The following GRID1 variants were observed in gnomAD, a reference collection of about 807,000 sequenced individuals.
GRID1 encodes glutamate receptor ionotropic, delta-1.
A neutral mutation model predicts 98.0 loss-of-function variants in GRID1; 28 were observed. That is an observed-to-expected ratio of 0.29 (90% CI 0.21 to 0.39). The LOEUF (loss-of-function observed/expected upper bound fraction) is 0.39, where lower values mean the gene tolerates loss of function less well. Among genes scored for constraint, GRID1 ranks in the 10% least tolerant of loss-of-function variants. The pLI, the probability that GRID1 is intolerant of heterozygous loss-of-function variation, is 1.00. For synonymous variants in GRID1, 553 were observed against 538.5 expected (o/e 1.03, Z -0.37); for missense variants, 1,111 against 1,340.5 (o/e 0.83, Z 2.67).
At chr10:85,873,842 C>T (rs1024047656) in intron 5 of GRID1, among the ~76,000 whole-genome samples, 5 of 152,186 alleles carry the variant, frequency 3.3e-5, no homozygotes, top group African/African-American at 1.2e-4. Flanking sequence ...CAACAAGCAA[C>T]GTCTCTGGGT....
At position 85,775,229 on chromosome 10, in the gene GRID1, A is replaced by G. The variant is rs1484909871; in HGVS notation, c.1234-45615T>C. Among the ~76,000 whole-genome samples the G allele has an allele frequency of 5.3e-5, 8 of 152,036 alleles. 1 individual carries two copies. The East Asian group carries it at 1.2e-3, about 22-fold the overall frequency. ...TTCTCAGTAAACTATCACAAGAACA[A>G]AAAACCAAACACCACATATTCTCAC... On this transcript the variant is annotated intron_variant, in intron 8 of 15. Coordinates refer to ENST00000327946, the MANE Select transcript of GRID1 (RefSeq NM_017551.3).
intron 4 of GRID1, among the ~76,000 whole-genome samples, chr10:86,069,833 G>C (rs1179142167): frequency 1.3e-5 from 2 of 152,170 alleles, no homozygotes; most frequent in Non-Finnish European, 2.9e-5. Context: ...TGCCTCAGCT[G>C]GGGTGTGATG....
chr10:85,608,741 G>A (rs911431040), intron 15 of GRID1, among the ~76,000 whole-genome samples: 1 of 152,160 alleles, frequency 6.6e-6, no homozygotes, highest in Admixed American at 6.5e-5. Flanking sequence ...CAGCAAGGGG[G>A]GCTGCTAGTG....
At chr10:85,791,456 A>G (rs1842478833) in intron 8 of GRID1, among the ~76,000 whole-genome samples, 1 of 152,202 alleles carries the variant, frequency 6.6e-6, no homozygotes, top group South Asian at 2.1e-4. Flanking sequence ...GAACTCACCA[A>G]TTCTCACAGA....
chr10:86,231,064 C>A (rs1846444395), intron 2 of GRID1, among the ~76,000 whole-genome samples: 2 of 152,216 alleles, frequency 1.3e-5, no homozygotes, highest in Non-Finnish European at 2.9e-5. Flanking sequence ...CTGGCTCCAG[C>A]AAACCCAAAC....
intron 2 of GRID1, among the ~76,000 whole-genome samples, chr10:86,338,644 G>A (rs1167876879): frequency 2.0e-5 from 3 of 152,094 alleles, no homozygotes; most frequent in East Asian, 1.9e-4. Context: ...TGCAACCTCC[G>A]CCTCCCGGGT....
At chr10:86,049,118 T>A (rs1004126981) in intron 4 of GRID1, among the ~76,000 whole-genome samples, 1 of 152,174 alleles carries the variant, frequency 6.6e-6, no homozygotes, top group African/African-American at 2.4e-5. Context: ...CTGAAGTCAT[T>A]AGCCAGTAAA....
chr10:85,750,808 A>G (rs1183013501), intron 8 of GRID1, among the ~76,000 whole-genome samples: 2 of 152,218 alleles, frequency 1.3e-5, no homozygotes, highest in African/African-American at 2.4e-5. Flanking sequence ...TCATCAGAGA[A>G]CTAAACATAA....
At chr10:85,838,505 T>C (rs949811630) in intron 8 of GRID1, among the ~76,000 whole-genome samples, 2 of 152,146 alleles carry the variant, frequency 1.3e-5, no homozygotes, top group African/African-American at 4.8e-5. Flanking sequence ...AGCACTGATA[T>C]TCAACATTCT....
chr10:85,999,211 CAAAAAA>C (rs60210628), intron 4 of GRID1, among the ~76,000 whole-genome samples: 2 of 130,062 alleles, frequency 1.5e-5, no homozygotes, highest in Non-Finnish European at 3.2e-5. Flanking sequence ...GACTCTATTT[CAAAAAA>C]AAAAAAAAAA....
At chr10:86,096,401 A>G (rs975652188) in intron 4 of GRID1, among the ~76,000 whole-genome samples, 1 of 152,200 alleles carries the variant, frequency 6.6e-6, no homozygotes, top group Non-Finnish European at 1.5e-5. Context: ...CCAGCCCCAC[A>G]AATGTTTCCA....
chr10:85,819,474 T>A (rs1453061696), intron 8 of GRID1, among the ~76,000 whole-genome samples: 1 of 152,200 alleles, frequency 6.6e-6, no homozygotes, highest in Non-Finnish European at 1.5e-5. Context: ...TAACTTTACA[T>A]TGGGGAAACC....
At chr10:86,321,659 A>C (rs79021111) in intron 2 of GRID1, among the ~76,000 whole-genome samples, 1 of 152,174 alleles carries the variant, frequency 6.6e-6, no homozygotes, top group Non-Finnish European at 1.5e-5. Context: ...AGAAGCCCCA[A>C]ATCAAATGTG....
At chr10:85,996,470 A>G (rs1282073569) in intron 4 of GRID1, among the ~76,000 whole-genome samples, 4 of 152,240 alleles carry the variant, frequency 2.6e-5, no homozygotes, top group Non-Finnish European at 5.9e-5. Flanking sequence ...GATGGGCTCA[A>G]TGAAGAACGA....
intron 2 of GRID1, among the ~76,000 whole-genome samples, chr10:86,239,137 G>A (rs974795032): frequency 2.6e-5 from 4 of 152,240 alleles, no homozygotes; most frequent in Non-Finnish European, 5.9e-5. Context: ...AAGGCCCTGC[G>A]AGCCCACCCT....
intron 4 of GRID1, among the ~76,000 whole-genome samples, chr10:85,950,983 C>G (rs1287906605): frequency 1.3e-5 from 2 of 151,878 alleles, no homozygotes; most frequent in South Asian, 2.1e-4. Flanking sequence ...AGGAGCCTGT[C>G]TGGCATCCCC....
intron 8 of GRID1, among the ~76,000 whole-genome samples, chr10:85,765,316 A>G (rs1160912312): frequency 6.6e-6 from 1 of 152,194 alleles, no homozygotes; most frequent in African/African-American, 2.4e-5. Flanking sequence ...CTTAGGCCTC[A>G]AGACCCTCCT....
intron 3 of GRID1, among the ~76,000 whole-genome samples, chr10:86,145,333 T>C (rs7074340): frequency 0.25 from 37,959 of 152,030 alleles, 5,122 homozygotes; most frequent in Middle Eastern, 0.36. Flanking sequence ...AGTGATTCTC[T>C]TGCCTCAGCC....
chr10:86,311,067 G>A (rs1847825603), intron 2 of GRID1, among the ~76,000 whole-genome samples: 1 of 152,074 alleles, frequency 6.6e-6, no homozygotes, highest in South Asian at 2.1e-4. Context: ...AGGAGAGAGG[G>A]AGGAAAGGTA....
Sources: gnomAD v4.1 joint callset for allele counts (sites outside exome capture counted in the v4.1 genomes callset) on GRCh38, gnomAD v4.1.1 for gene constraint, MANE v1.5 for transcripts, NCBI Gene and HGNC (gene_info 2026-07-23, HGNC 2026-07-21) for gene names.